Variants in DDAH1 observed in about 807,000 individuals in gnomAD.
DDAH1 encodes dimethylarginine dimethylaminohydrolase 1.
In DDAH1, 19 loss-of-function variants were observed where a neutral mutation model predicts 28.8. The observed-to-expected ratio is 0.66, with a 90% CI of 0.46 to 0.97. DDAH1 has a LOEUF of 0.97. Among genes scored for constraint, DDAH1 ranks in the 50% least tolerant of loss-of-function variants. The pLI is 0.00. For synonymous variants in DDAH1, 153 were observed against 154.4 expected (o/e 0.99, Z 0.07); for missense variants, 326 against 375.9 (o/e 0.87, Z 1.10).
chr1:85,345,725 C>G (rs1043733679), intron 4 of DDAH1, among the ~76,000 whole-genome samples: 1 of 151,874 alleles, frequency 6.6e-6, no homozygotes, highest in South Asian at 2.1e-4. Flanking sequence ...ATTAGCTGGG[C>G]GTGGTGGCGG....
intron 3 of DDAH1, 117 bp downstream of exon 3, chr1:85,351,389 A>T: frequency 2.5e-6 from 2 of 802,304 alleles, no homozygotes; most frequent in Non-Finnish European, 4.0e-6. Context: ...AACATTACGA[A>T]TTATTGTACA....
chr1:85,577,574 G>A (rs1485703256), intron 1 of DDAH1, among the ~76,000 whole-genome samples: 2 of 151,584 alleles, frequency 1.3e-5, no homozygotes, highest in Admixed American at 1.3e-4. Flanking sequence ...ATCACCTGGG[G>A]ACTTGTTAGA....
intron 1 of DDAH1, among the ~76,000 whole-genome samples, chr1:85,422,407 A>C (rs1653188021): frequency 6.6e-6 from 1 of 152,200 alleles, no homozygotes; most frequent in East Asian, 1.9e-4. Context: ...TAATTTTAAT[A>C]AAGTGTAGAT....
At chr1:85,415,001 G>A (rs1178000067) in intron 1 of DDAH1, among the ~76,000 whole-genome samples, 2 of 115,536 alleles carry the variant, frequency 1.7e-5, no homozygotes, top group African/African-American at 6.3e-5. Context: ...TATTTCAAGT[G>A]TTGCTTTTTT....
chr1:85,484,515 TC>T (rs1656131992), intron 2 of DDAH1, among the ~76,000 whole-genome samples: 1 of 152,120 alleles, frequency 6.6e-6, no homozygotes, highest in Non-Finnish European at 1.5e-5. Flanking sequence ...ATTCTTTACT[TC>T]TAGGAAACTG....
chr1:85,362,960 A>C (rs563024616), intron 1 of DDAH1, among the ~76,000 whole-genome samples: 20 of 152,314 alleles, frequency 1.3e-4, no homozygotes, highest in African/African-American at 4.6e-4. Context: ...AAGAACTCCC[A>C]AAAAACCCAA....
At chr1:85,505,111 G>A (rs777186080) in intron 1 of DDAH1, among the ~76,000 whole-genome samples, 2 of 150,794 alleles carry the variant, frequency 1.3e-5, no homozygotes, top group South Asian at 2.1e-4. Context: ...TCAGCCTCCC[G>A]AGTAGCTGAG....
Position 85,464,385 on chromosome 1 carries a change from A to T in DDAH1, c.303+358T>A. 1.0e-6 allele frequency: 1 copy of T among 1,002,336 alleles called. No homozygotes were observed. Among genetic ancestry groups the T allele is most frequent in the Non-Finnish European group, 1.4e-6 (1 of 719,000 alleles). The allele number at this position is 1,002,336 out of a possible 1,614,324, so 62.1% of individuals were successfully genotyped here. Reference sequence around the variant, plus strand: ...CCTCCACCCGCCCTACCGGAGCGGCACCCCTCGCGGCCCTCGCTCCCTGGG... The same window carrying T: ...CCTCCACCCGCCCTACCGGAGCGGCTCCCCTCGCGGCCCTCGCTCCCTGGG... On this transcript the variant is annotated intron_variant, in intron 1 of 5. Coordinates refer to ENST00000284031, the MANE Select transcript of DDAH1 (RefSeq NM_012137.4). The surrounding 1 kb of genome is among the most constrained non-coding windows in gnomAD (Gnocchi z 4.4).
At chr1:85,479,453 G>GCCA (rs1655926470) in intron 2 of DDAH1, among the ~76,000 whole-genome samples, 1 of 152,124 alleles carries the variant, frequency 6.6e-6, no homozygotes, top group South Asian at 2.1e-4. Context: ...GATTACAGGC[G>GCCA]TGAGCCACCG....
intron 1 of DDAH1, among the ~76,000 whole-genome samples, chr1:85,533,829 G>A (rs576836117): frequency 0.013 from 1,973 of 152,240 alleles, 22 homozygotes; most frequent in South Asian, 0.059. Flanking sequence ...AAGACAATGT[G>A]CAAAAAGCCC....
chr1:85,577,150 G>A (rs2100578797), intron 1 of DDAH1, among the ~76,000 whole-genome samples: 1 of 152,210 alleles, frequency 6.6e-6, no homozygotes, highest in Non-Finnish European at 1.5e-5. Context: ...TAGCAGCCGG[G>A]CAGGCGCGTC....
At chr1:85,530,985 T>C (rs534660566) in intron 1 of DDAH1, among the ~76,000 whole-genome samples, 2 of 85,320 alleles carry the variant, frequency 2.3e-5, no homozygotes, top group Non-Finnish European at 4.5e-5. Flanking sequence ...AGTGAGACTC[T>C]GTCTCAAAAA....
intron 1 of DDAH1, among the ~76,000 whole-genome samples, chr1:85,437,589 G>C (rs1362927482): frequency 6.6e-6 from 1 of 152,090 alleles, no homozygotes; most frequent in Non-Finnish European, 1.5e-5. Context: ...GATTAAAATA[G>C]ATAAGACATA....
At chr1:85,569,966 T>C (rs574910577) in intron 1 of DDAH1, among the ~76,000 whole-genome samples, 1 of 152,328 alleles carries the variant, frequency 6.6e-6, no homozygotes, top group Admixed American at 6.5e-5. Context: ...CACCACAGAA[T>C]GTGACCCTCC....
At chr1:85,421,465 T>G (rs1193510834) in intron 1 of DDAH1, among the ~76,000 whole-genome samples, 1 of 151,344 alleles carries the variant, frequency 6.6e-6, no homozygotes, top group Non-Finnish European at 1.5e-5. Context: ...CCTGAATGAT[T>G]TTTTTTTTAA....
intron 1 of DDAH1, among the ~76,000 whole-genome samples, chr1:85,461,834 T>C (rs1191782816): frequency 6.6e-6 from 1 of 152,070 alleles, no homozygotes; most frequent in Non-Finnish European, 1.5e-5. Context: ...GTTTATAGCG[T>C]TTTAGGAGCT....
Position 85,570,520 on chromosome 1 carries a change from T to C in DDAH1, c.-123+7464A>G, listed in dbSNP as rs182630758. On this transcript the variant is annotated intron_variant, in intron 1 of 6. Coordinates refer to the DDAH1 transcript ENST00000426972. ...GACTGCCCGTGGCAACTCCCAACCA[T>C]TTTTTAAACACAAAATAAGAAAATC... Among the ~76,000 whole-genome samples, 401 of 152,300 alleles carry C rather than the reference T, an allele frequency of 2.6e-3. 4 individuals are homozygous for C. The highest frequency in any genetic ancestry group is 9.3e-3 in the African/African-American group (388 of 41,568).
At chr1:85,415,879 AAC>A (rs1652865799) in intron 1 of DDAH1, among the ~76,000 whole-genome samples, 1 of 152,160 alleles carries the variant, frequency 6.6e-6, no homozygotes, top group Non-Finnish European at 1.5e-5. Context: ...GTTGTTTTAA[AAC>A]ACTGTTCTGA....
intron 1 of DDAH1, among the ~76,000 whole-genome samples, chr1:85,461,869 C>G (rs1655138069): frequency 6.6e-6 from 1 of 152,148 alleles, no homozygotes; most frequent in Non-Finnish European, 1.5e-5. Flanking sequence ...CAATTCCATG[C>G]TTGGAAAAGT....
Sources: gnomAD v4.1 joint callset for allele counts (sites outside exome capture counted in the v4.1 genomes callset) on GRCh38, gnomAD v4.1.1 for gene constraint, Gnocchi (gnomAD v3.1) non-coding constraint, MANE v1.5 for transcripts, NCBI Gene and HGNC (gene_info 2026-07-23, HGNC 2026-07-21) for gene names.